The following CHD5 variants were observed in gnomAD, a reference collection of about 807,000 sequenced individuals.
CHD5 encodes chromodomain helicase DNA binding protein 5.
Under a neutral mutation model 230.3 loss-of-function variants are expected in CHD5, and 69 were observed. The ratio of observed to expected loss-of-function variants is 0.30; its 90% confidence interval spans 0.25 to 0.37. The LOEUF (loss-of-function observed/expected upper bound fraction) is 0.37, where lower values mean the gene tolerates loss of function less well. Among genes scored for constraint, CHD5 ranks in the 10% least tolerant of loss-of-function variants. The probability of loss-of-function intolerance (pLI) is 1.00; values close to 1 mark genes in which losing one functional copy is unlikely to be tolerated. For missense variants in CHD5, 1,827 were observed against 2,622.8 expected, an observed-to-expected ratio of 0.70 and a Z score of 6.63; for synonymous variants, 1,064 against 1,065.9, an observed-to-expected ratio of 1.00 and a Z score of 0.03.
intron 9 of CHD5, among the ~76,000 whole-genome samples, chr1:6,148,074 C>T (rs1395374263): frequency 4.6e-5 from 7 of 152,156 alleles, no homozygotes; most frequent in Non-Finnish European, 8.8e-5. Flanking sequence ...CCTCCCCTGG[C>T]CCCTACACAG....
At position 6,109,939 on chromosome 1, in the gene CHD5, G is replaced by A. The variant is rs1666258439; in HGVS notation, c.5434C>T (p.Leu1812=). The change falls in exon 38 of 42, where the codon CTG becomes TTG. Residue 1812 remains leucine, a synonymous_variant. Transcript: ENST00000262450. ...IEEQLRRAAY[L]NMTQDPNHPA... ...TGGTTGGGGTCCTGCGTCATGTTCA[G>A]GTACGCGGCCCTCCGGAGCTGCTCC... 6.3e-7 allele frequency: 1 copy of A among 1,595,768 alleles called. No individual in the cohort carries two copies. Among genetic ancestry groups the A allele is most frequent in the African/African-American group, 1.3e-5 (1 of 74,608 alleles).
At chr1:6,147,525 C>T (rs1666929996) in intron 9 of CHD5, among the ~76,000 whole-genome samples, 1 of 152,240 alleles carries the variant, frequency 6.6e-6, no homozygotes, top group Non-Finnish European at 1.5e-5. Flanking sequence ...CCACAAACCA[C>T]ACCACTCGGG....
At chr1:6,107,187 G>A (rs1270042138) in intron 38 of CHD5, among the ~76,000 whole-genome samples, 1 of 147,108 alleles carries the variant, frequency 6.8e-6, no homozygotes, top group Non-Finnish European at 1.5e-5. Flanking sequence ...GAGGGATGGG[G>A]GAAGATGGAG....
Position 6,125,966 on chromosome 1 carries a change from A to T in CHD5, c.4079-108T>A. 5 of 765,974 alleles carry T rather than the reference A, an allele frequency of 6.5e-6. No homozygotes were observed. The South Asian group carries it at 7.8e-5, about 12-fold the overall frequency. 47.4% of individuals were successfully genotyped at this position (765,974 alleles called of 1,614,324 possible). On this transcript the variant is annotated intron_variant, in intron 26 of 41. Transcript: ENST00000262450. The surrounding 1 kb of genome is among the most constrained non-coding windows in gnomAD (Gnocchi z 6.7). The stretch of plus-strand genomic sequence containing the variant: ...CCGAGCCCCTGCACCCCAGCTCCAT[A>T]AAAAAGCAGTGACAATGGCCCACAT...
At position 6,134,113 on chromosome 1, in the gene CHD5, G is replaced by GGGGC. The variant is rs2100850496; in HGVS notation, c.3144+14_3144+15insGCCC. 7.7e-7 allele frequency: 1 copy of GGGGC among 1,304,292 alleles called. No individual in the cohort carries two copies. The highest frequency in any genetic ancestry group is 1.1e-6 in the Non-Finnish European group (1 of 919,144). The allele number at this position is 1,304,292 out of a possible 1,614,324, so 80.8% of individuals were successfully genotyped here. A position where few individuals can be genotyped will look rare whatever the true frequency, so the allele number is the denominator to read the frequency against. On this transcript the variant is annotated intron_variant, in intron 20 of 41. Transcript: ENST00000262450. This position sits in a 1 kb window ranked among gnomAD's most constrained non-coding sequence, Gnocchi z 6.3. ...GGGTGTGGAGCCGGGGCGGGGGTGG[G>GGGGC]CAGGGGCAGCGCACCTGGGAGAAGA... is the stretch of plus-strand genomic sequence containing the variant.
At chr1:6,179,462 G>C (rs61760803) in intron 1 of CHD5, among the ~76,000 whole-genome samples, 6,357 of 152,126 alleles carry the variant, frequency 0.042, 201 homozygotes, top group Middle Eastern at 0.096. Flanking sequence ...GCCGGTCCTC[G>C]CCCCTCTCTG....
chr1:6,146,113 AG>A lies in CHD5; in HGVS notation c.1802+98del. The A allele has an allele frequency of 8.3e-7, 1 of 1,202,738 alleles. No individual in the cohort carries two copies. The highest frequency in any genetic ancestry group is 2.0e-5 in the Admixed American group (1 of 51,078). The allele number at this position is 1,202,738 out of a possible 1,614,324, so 74.5% of individuals were successfully genotyped here. Reference sequence around the variant, plus strand: ...GGTTCTGCACGGCAGCCCCAAAGCAAGGGCCCTGGCACCCTGCGCTGCACCC... The same window carrying A: ...GGTTCTGCACGGCAGCCCCAAAGCAAGGCCCTGGCACCCTGCGCTGCACCC... On this transcript the variant is annotated intron_variant, in intron 11 of 41. Transcript: ENST00000262450. This position sits in a 1 kb window ranked among gnomAD's most constrained non-coding sequence, Gnocchi z 5.1.
At position 6,158,299 on chromosome 1, in the gene CHD5, C is replaced by T. The variant is rs544032238; in HGVS notation, c.387+1037G>A. On this transcript the variant is annotated intron_variant, in intron 3 of 41. Transcript: ENST00000262450. ...GGGAGAGCTGGCCCATCTCTGTAGC[C>T]GCTCTGCCCCACGTGCAGTAGGAGA... 5.9e-5 allele frequency among the ~76,000 whole-genome samples: 9 copies of T among 152,322 alleles called. No homozygotes were observed. The South Asian group carries it at 1.0e-3, about 18-fold the overall frequency.
chr1:6,155,672 C>T lies in CHD5; in HGVS notation c.433G>A (p.Asp145Asn), dbSNP rs747840356. 2.8e-5 allele frequency: 45 copies of T among 1,614,000 alleles called. No homozygotes were observed. Among genetic ancestry groups the T allele is most frequent in the Non-Finnish European group, 3.5e-5 (41 of 1,180,030 alleles). ...TCCTCCGAGAACAGGTAGTCCACGT[C>T]GTCCAGGCCCCACTCGGCCATGAGC... ...GQLMAEWGLD[D>N]VDYLFSEEDY... The change falls in exon 4 of 42, where the codon GAC (aspartate) becomes AAC (asparagine). Residue 145 changes from aspartate to asparagine, a missense_variant. Physicochemically the swap from Asp to Asn is conservative, Grantham distance 23 (BLOSUM62 1). Coordinates refer to ENST00000262450, the MANE Select transcript of CHD5 (RefSeq NM_015557.3). This position sits in a 1 kb window ranked among gnomAD's most constrained non-coding sequence, Gnocchi z 4.0.
chr1:6,179,825 G>T, intron 1 of CHD5, 120 bp downstream of exon 1: 1 of 289,144 alleles, frequency 3.5e-6, no homozygotes, highest in Non-Finnish European at 5.1e-6. Flanking sequence ...CAACCCGGGT[G>T]CCCCTCCTGC....
At chr1:6,158,291 T>C (rs1003919299) in intron 3 of CHD5, among the ~76,000 whole-genome samples, 1 of 152,196 alleles carries the variant, frequency 6.6e-6, no homozygotes, top group African/African-American at 2.4e-5. Flanking sequence ...CTGGCCCATC[T>C]CTGTAGCCGC....
At position 6,128,338 on chromosome 1, in the gene CHD5, C is replaced by G; in HGVS notation, c.3731-120G>C. 1 of 1,169,194 alleles carries G rather than the reference C, an allele frequency of 8.6e-7. No homozygotes were observed. The allele number at this position is 1,169,194 out of a possible 1,614,324, so 72.4% of individuals were successfully genotyped here. ...CCCAGCAGGGGCTGCAGCTGAGAGGCATGGTGACCAGACAGAGGAAACTGC... is the reference window on the plus strand; with the variant it reads ...CCCAGCAGGGGCTGCAGCTGAGAGGGATGGTGACCAGACAGAGGAAACTGC... On this transcript the variant is annotated intron_variant, in intron 24 of 41. Transcript: ENST00000262450. This position sits in a 1 kb window ranked among gnomAD's most constrained non-coding sequence, Gnocchi z 7.8.
At chr1:6,149,496 C>T in intron 7 of CHD5, 84 bp from the exon 8 acceptor site, 7 of 1,399,736 alleles carry the variant, frequency 5.0e-6, no homozygotes, top group Non-Finnish European at 6.8e-6. Context: ...GCCAGACAGG[C>T]ACAGAGTAGA....
At chr1:6,119,042 A>G (rs1163059598) in intron 33 of CHD5, among the ~76,000 whole-genome samples, 1 of 144,840 alleles carries the variant, frequency 6.9e-6, no homozygotes, top group Admixed American at 7.0e-5. Context: ...TATGTTAACT[A>G]TATCACCATA....
chr1:6,152,767 T>C (rs890009800), intron 5 of CHD5, among the ~76,000 whole-genome samples: 1 of 152,220 alleles, frequency 6.6e-6, no homozygotes, highest in African/African-American at 2.4e-5. Flanking sequence ...CTGACCGCCT[T>C]GCTGCCCCTT....
rs1195694739 is a variant in CHD5 at position 6,128,738 on chromosome 1, CTG to C, written c.3619+98_3619+99del. On this transcript the variant is annotated intron_variant, in intron 23 of 41. Coordinates refer to ENST00000262450, the MANE Select transcript of CHD5 (RefSeq NM_015557.3). The surrounding 1 kb of genome is among the most constrained non-coding windows in gnomAD (Gnocchi z 7.8). ...ACAGGTGGGGGGTGCAGAAGAGAGGCTGTGTGTTGGAGCGGGCAGGGACCCAA... is the reference window on the plus strand; with the variant it reads ...ACAGGTGGGGGGTGCAGAAGAGAGGCTGTGTTGGAGCGGGCAGGGACCCAA... The C allele has an allele frequency of 7.8e-7, 1 of 1,273,986 alleles. No individual in the cohort carries two copies. The highest frequency in any genetic ancestry group is 1.5e-5 in the African/African-American group (1 of 67,934). The allele number at this position is 1,273,986 out of a possible 1,614,324, so 78.9% of individuals were successfully genotyped here.
chr1:6,132,562 A>C (rs1419319931), intron 20 of CHD5, among the ~76,000 whole-genome samples: 1 of 152,110 alleles, frequency 6.6e-6, no homozygotes, highest in East Asian at 1.9e-4. Flanking sequence ...TGCAACTCCA[A>C]TTGGATGATT....
At chr1:6,119,467 A>G (rs192508741) in intron 33 of CHD5, among the ~76,000 whole-genome samples, 204 of 152,346 alleles carry the variant, frequency 1.3e-3, no homozygotes, top group Non-Finnish European at 2.2e-3. Flanking sequence ...TTAGAAGCAC[A>G]CTTCACAAGA....
In CHD5 at chr1:6,134,655, GCGGC is replaced by G; in HGVS notation, c.3012+59_3012+62del. The G allele has an allele frequency of 6.5e-7, 1 of 1,526,848 alleles. No individual in the cohort carries two copies. Among genetic ancestry groups the G allele is most frequent in the South Asian group, 1.1e-5 (1 of 87,304 alleles). The allele number at this position is 1,526,848 out of a possible 1,614,324, so 94.6% of individuals were successfully genotyped here. A position where few individuals can be genotyped will look rare whatever the true frequency, so the allele number is the denominator to read the frequency against. ...ACAGCGGCCACAGGGACCTACCATG[GCGGC>G]CACAGGCACCTACCATGGCGGTCAT... On this transcript the variant is annotated intron_variant, in intron 19 of 41. Coordinates refer to ENST00000262450, the MANE Select transcript of CHD5 (RefSeq NM_015557.3). The surrounding 1 kb of genome is among the most constrained non-coding windows in gnomAD (Gnocchi z 6.3).
Sources: gnomAD v4.1 joint callset for allele counts (sites outside exome capture counted in the v4.1 genomes callset) on GRCh38, gnomAD v4.1.1 for gene constraint, Gnocchi (gnomAD v3.1) non-coding constraint, MANE v1.5 for transcripts, NCBI Gene and HGNC (gene_info 2026-07-23, HGNC 2026-07-21) for gene names.